MYO16: variants seen among roughly 807,000 people sequenced by gnomAD.
MYO16 encodes myosin XVI, also known as unconventional myosin-XVI.
Under a neutral mutation model 205.3 loss-of-function variants are expected in MYO16, and 94 were observed. The ratio of observed to expected loss-of-function variants is 0.46; its 90% CI spans 0.39 to 0.54. The LOEUF (loss-of-function observed/expected upper bound fraction) is 0.54. Ranked by LOEUF, MYO16 falls within the 20% of genes least tolerant of loss-of-function variation. MYO16 has a pLI of 0.00. For synonymous variants in MYO16, 988 were observed against 954.0 expected (o/e 1.04, Z -0.66); for missense variants, 2,315 against 2,387.5 (o/e 0.97, Z 0.63).
intron 6 of MYO16, among the ~76,000 whole-genome samples, chr13:108,794,459 T>C (rs1159222770): frequency 6.6e-6 from 1 of 152,226 alleles, no homozygotes; most frequent in African/African-American, 2.4e-5. Context: ...CAGTACTTAG[T>C]CCATGTAGTT....
chr13:108,780,758 C>G (rs1001487116), intron 4 of MYO16, among the ~76,000 whole-genome samples: 1 of 152,250 alleles, frequency 6.6e-6, no homozygotes, highest in South Asian at 2.1e-4. Flanking sequence ...GTGTTGGGAA[C>G]AGAAAGGAGA....
chr13:108,864,577 G>A (rs1450895720), intron 11 of MYO16, among the ~76,000 whole-genome samples: 1 of 152,000 alleles, frequency 6.6e-6, no homozygotes, highest in East Asian at 1.9e-4. Context: ...CACCCAGGCT[G>A]GAATACATTG....
In MYO16 at chr13:109,134,486, C is replaced by T. The variant is rs1273856306; in HGVS notation, c.4052-5778C>T. Among the ~76,000 whole-genome samples the T allele has an allele frequency of 2.6e-5, 4 of 152,164 alleles. No homozygotes were observed. The East Asian group carries it at 5.8e-4, about 22-fold the overall frequency. On this transcript the variant is annotated intron_variant, in intron 31 of 34. Transcript: ENST00000457511. ...AGATCACTGGAGCAGTTGTCACTCT[C>T]GGTCCTTCATGCAGCAAGGTGGCTG...
chr13:109,026,695 T>C (rs1172095698), intron 23 of MYO16, among the ~76,000 whole-genome samples: 1 of 152,120 alleles, frequency 6.6e-6, no homozygotes, highest in East Asian at 1.9e-4. Context: ...CTAACCCAGG[T>C]TTTTGCACGT....
In MYO16 at chr13:109,125,290, T is replaced by A. The variant is rs1009406544; in HGVS notation, c.3714T>A (p.Ser1238Arg). 6.2e-7 allele frequency: 1 copy of A among 1,613,882 alleles called. No homozygotes were observed. The highest frequency in any genetic ancestry group is 8.5e-7 in the Non-Finnish European group (1 of 1,179,986). The stretch of plus-strand genomic sequence containing the variant: ...CCCGGGAAAATGACCGGCTCCGTAG[T>A]GAAATGAACGCTCCCTACCATAAAG... ...DIARENDRLR[S>R]EMNAPYHKEK... is the part of the protein sequence containing the mutation. Residue 1238 changes from serine to arginine, a missense_variant, in exon 30 of 35, where the codon AGT becomes AGA. Ser to Arg is a moderately radical substitution (Grantham distance 110). This residue lies in a region of MYO16 where 1,097 missense variants were observed against 1,092.0 expected (regional missense o/e 1.00). Coordinates refer to ENST00000457511, the MANE Select transcript of MYO16 (RefSeq NM_001198950.3). This position sits in a 1 kb window ranked among gnomAD's most constrained non-coding sequence, Gnocchi z 4.0.
chr13:109,023,557 A>T (rs1317169963), intron 23 of MYO16, among the ~76,000 whole-genome samples: 1 of 123,414 alleles, frequency 8.1e-6, no homozygotes, highest in Non-Finnish European at 1.6e-5. Flanking sequence ...TATATTTATT[A>T]TATATACAAA....
chr13:109,173,283 T>C (rs1191857182), intron 33 of MYO16, among the ~76,000 whole-genome samples: 1 of 152,060 alleles, frequency 6.6e-6, no homozygotes, highest in Non-Finnish European at 1.5e-5. Flanking sequence ...ACATTGAAAA[T>C]ACATACCAAG....
chr13:108,578,747 T>C, the MYO16 span, among the ~76,000 whole-genome samples: 2 of 152,274 alleles, frequency 1.3e-5, no homozygotes, highest in South Asian at 4.1e-4. Context: ...ACTAAGAGCA[T>C]TGCGACATTT....
intron 16 of MYO16, among the ~76,000 whole-genome samples, chr13:108,936,114 TTCCTTC>T (rs1882470443): frequency 2.8e-5 from 4 of 144,820 alleles, no homozygotes. Context: ...CCTTCCTTCC[TTCCTTC>T]CTTCCTTCCT....
chr13:108,553,289 C>T, the MYO16 span, among the ~76,000 whole-genome samples: 165 of 152,132 alleles, frequency 1.1e-3, no homozygotes, highest in African/African-American at 3.6e-3. Context: ...CCGCGCCTGG[C>T]GTTAATACTC....
chr13:108,610,374 G>A (rs753517659), intron 1 of MYO16, among the ~76,000 whole-genome samples: 59 of 152,096 alleles, frequency 3.9e-4, no homozygotes, highest in Admixed American at 1.4e-3. Flanking sequence ...TAATGATTAC[G>A]CTGCACTAGA....
At chr13:108,993,323 T>C (rs1191307250) in intron 21 of MYO16, among the ~76,000 whole-genome samples, 1 of 152,186 alleles carries the variant, frequency 6.6e-6, no homozygotes, top group Non-Finnish European at 1.5e-5. Context: ...TTTTCTTGTT[T>C]GTAAAATCAG....
At chr13:108,759,120 A>G (rs972274347) in intron 4 of MYO16, among the ~76,000 whole-genome samples, 1 of 152,194 alleles carries the variant, frequency 6.6e-6, no homozygotes, top group Non-Finnish European at 1.5e-5. Context: ...TCACTCTTTG[A>G]CAAAGATTTT....
At chr13:108,822,405 C>T (rs187086551) in intron 8 of MYO16, among the ~76,000 whole-genome samples, 1 of 152,154 alleles carries the variant, frequency 6.6e-6, no homozygotes, top group East Asian at 1.9e-4. Context: ...ACAGTCTGGT[C>T]CTGACGATTG....
the MYO16 span, among the ~76,000 whole-genome samples, chr13:108,557,222 T>C: frequency 6.6e-6 from 1 of 152,348 alleles, no homozygotes; most frequent in East Asian, 1.9e-4. Flanking sequence ...CTTTCAGTAG[T>C]ATGAACAACT....
intron 2 of MYO16, among the ~76,000 whole-genome samples, chr13:108,712,304 G>C (rs1341464512): frequency 6.6e-6 from 1 of 152,180 alleles, no homozygotes. Flanking sequence ...TAAAAATTCA[G>C]TGACCTAATG....
chr13:108,539,171 T>C, the MYO16 span, among the ~76,000 whole-genome samples: 1 of 152,162 alleles, frequency 6.6e-6, no homozygotes, highest in African/African-American at 2.4e-5. Context: ...GGGATGGTTT[T>C]TATCAGTATT....
intron 33 of MYO16, 32 bp downstream of exon 33, chr13:109,165,091 A>G (rs765024487): frequency 1.3e-6 from 2 of 1,546,836 alleles, no homozygotes; most frequent in Admixed American, 4.0e-5. Flanking sequence ...AAGTAAATGT[A>G]CAAAAGTTTT....
At chr13:108,698,108 C>T (rs1046597230) in intron 2 of MYO16, among the ~76,000 whole-genome samples, 1 of 152,180 alleles carries the variant, frequency 6.6e-6, no homozygotes, top group East Asian at 1.9e-4. Context: ...GCACTTAGGT[C>T]ACCTTCCATG....
Sources: gnomAD v4.1 joint callset for allele counts (sites outside exome capture counted in the v4.1 genomes callset) on GRCh38, gnomAD v4.1.1 for gene constraint, gnomAD v4.1.1 regional missense constraint, Gnocchi (gnomAD v3.1) non-coding constraint, MANE v1.5 for transcripts, NCBI Gene and HGNC (gene_info 2026-07-23, HGNC 2026-07-21) for gene names.